Variants in ANKRD17 observed in about 807,000 individuals in gnomAD.
ANKRD17 encodes ankyrin repeat domain 17.
In ANKRD17, 19 loss-of-function variants were observed where a neutral mutation model predicts 229.7. That is an observed-to-expected ratio of 0.08 (90% CI 0.06 to 0.12). The LOEUF (loss-of-function observed/expected upper bound fraction) is 0.12. Among genes scored for constraint, ANKRD17 ranks in the 10% least tolerant of loss-of-function variants. ANKRD17 has a pLI of 1.00. For missense variants in ANKRD17, 2,176 were observed against 3,176.8 expected (o/e 0.68, Z 7.57); for synonymous variants, 1,112 against 1,146.1 (o/e 0.97, Z 0.60).
chr4:73,090,674 A>G lies in ANKRD17; in HGVS notation c.6954T>C (p.Ser2318=), dbSNP rs1319948914. ...FRPPLQRPAP[S]PSGIVNMDSP... is the part of the protein sequence containing the mutation. ...CAGAAAATATAAACTCACCTGAGGG[A>G]CTTGGAGCAGGTCTCTGTAATGGTG... The change falls in exon 29 of 34, where the codon AGT becomes AGC. Residue 2318 remains serine (S), a synonymous_variant. Coordinates refer to ENST00000358602, the MANE Select transcript of ANKRD17 (RefSeq NM_032217.5). 6.2e-7 allele frequency: 1 copy of G among 1,614,228 alleles called. No individual in the cohort carries two copies. The highest frequency in any genetic ancestry group is 8.5e-7 in the Non-Finnish European group (1 of 1,180,038).
intron 1 of ANKRD17, among the ~76,000 whole-genome samples, chr4:73,178,482 T>A (rs1215449884): frequency 6.6e-6 from 1 of 152,088 alleles, no homozygotes; most frequent in Non-Finnish European, 1.5e-5. Context: ...GCATTTAATT[T>A]TTTTTTTTTA....
At position 73,091,764 on chromosome 4, in the gene ANKRD17, C is replaced by A. The variant is rs774376886; in HGVS notation, c.5864G>T (p.Ser1955Ile). Residue 1955 changes from serine (S) to isoleucine (I), a missense_variant, in exon 29 of 34, where the codon AGT becomes ATT. Ser to Ile is a moderately radical substitution (Grantham distance 142). This residue lies in a region of ANKRD17 where 424 missense variants were observed against 454.0 expected (regional missense o/e 0.93). Transcript: ENST00000358602. ...MVPRHSNQNS[S>I]GSQVNSAGSL... Reference sequence around the variant, plus strand: ...ACCTGCTGAATTCACCTGAGAACCACTGCTATTCTGATTGCTATGGCGAGG... The same window carrying A: ...ACCTGCTGAATTCACCTGAGAACCAATGCTATTCTGATTGCTATGGCGAGG... 1 of 1,614,174 alleles carries A rather than the reference C, an allele frequency of 6.2e-7. No individual in the cohort carries two copies. The highest frequency in any genetic ancestry group is 1.7e-5 in the Admixed American group (1 of 60,018).
chr4:73,174,356 G>GA (rs1734453235), intron 2 of ANKRD17, among the ~76,000 whole-genome samples: 2 of 152,128 alleles, frequency 1.3e-5, no homozygotes, highest in Non-Finnish European at 2.9e-5. Flanking sequence ...CAATGATGCA[G>GA]AAAAAACATT....
chr4:73,136,902 T>C (rs1168688595), intron 15 of ANKRD17, among the ~76,000 whole-genome samples: 2 of 151,964 alleles, frequency 1.3e-5, no homozygotes. Context: ...AAATCTAAGT[T>C]TTATTGTTAA....
At position 73,121,031 on chromosome 4, in the gene ANKRD17, A is replaced by T. The variant is rs77762664; in HGVS notation, c.3699T>A (p.Ala1233=). 21 of 1,613,858 alleles carry T rather than the reference A, an allele frequency of 1.3e-5. No individual in the cohort carries two copies. The highest frequency in any genetic ancestry group is 1.7e-5 in the Non-Finnish European group (20 of 1,179,918). The change falls in exon 20 of 34, where the codon GCT becomes GCA. Residue 1233 remains alanine (A), a synonymous_variant. Transcript: ENST00000358602. ...MLAAMNGHTA[A]VKLLLDMGSD... ...AGCCCATGTCTAACAGGAGCTTAAC[A>T]GCAGCTGTATGCCCATTCATAGCTG... is the stretch of plus-strand genomic sequence containing the variant.
chr4:73,161,274 C>T lies in ANKRD17; in HGVS notation c.622G>A (p.Val208Ile), dbSNP rs759781857. The T allele has an allele frequency of 1.2e-6, 2 of 1,614,108 alleles. No individual in the cohort carries two copies. The highest frequency in any genetic ancestry group is 1.7e-6 in the Non-Finnish European group (2 of 1,180,050). Reference sequence around the variant, plus strand: ...GCAGCTTCATCCAACGCACAACTAACAGACGATGTCAACCTCCGAAGTACT... The same window carrying T: ...GCAGCTTCATCCAACGCACAACTAATAGACGATGTCAACCTCCGAAGTACT... ...PEVLRRLTSS[V>I]SCALDEAAAA... The change falls in exon 3 of 34, where the codon GTT becomes ATT. Residue 208 changes from valine to isoleucine, a missense_variant. Transcript: ENST00000358602.
chr4:73,105,866 G>A (rs539791935), intron 24 of ANKRD17, among the ~76,000 whole-genome samples: 2 of 152,282 alleles, frequency 1.3e-5, no homozygotes, highest in African/African-American at 4.8e-5. Flanking sequence ...TAGTGGGTAG[G>A]AGTTAGTAAA....
chr4:73,227,075 A>G (rs916895961), intron 1 of ANKRD17, among the ~76,000 whole-genome samples: 1 of 152,174 alleles, frequency 6.6e-6, no homozygotes, highest in Non-Finnish European at 1.5e-5. Flanking sequence ...GCAGGATACC[A>G]TGGGCAAAAG....
At chr4:73,184,751 T>A (rs2149033675) in intron 1 of ANKRD17, among the ~76,000 whole-genome samples, 1 of 152,128 alleles carries the variant, frequency 6.6e-6, no homozygotes, top group East Asian at 1.9e-4. Flanking sequence ...CAAATAACTA[T>A]CAAACAAGTT....
chr4:73,160,411 G>A (rs1732371832), intron 3 of ANKRD17, among the ~76,000 whole-genome samples: 1 of 151,950 alleles, frequency 6.6e-6, no homozygotes, highest in East Asian at 1.9e-4. Context: ...TAGAGACAGG[G>A]TTTCTCCATG....
intron 1 of ANKRD17, among the ~76,000 whole-genome samples, chr4:73,239,781 T>C (rs1010606622): frequency 2.6e-5 from 4 of 152,044 alleles, no homozygotes; most frequent in African/African-American, 9.7e-5. Flanking sequence ...TATAAAAAAA[T>C]CAAATGGATA....
rs1247259124 is a variant in ANKRD17 at position 73,098,376 on chromosome 4, T to C, written c.4718A>G (p.Lys1573Arg). The C allele has an allele frequency of 8.7e-6, 14 of 1,614,104 alleles. No homozygotes were observed. The highest frequency in any genetic ancestry group is 1.2e-5 in the Non-Finnish European group (14 of 1,180,050). ...AACGTTTTCTGGAGTAATTTTATTT[T>C]TCCTGTTTTTCCTCTTTGAACTGGT... ...TTTSSKRKNR[K>R]NKITPENVQI... The change falls in exon 26 of 34, where the codon AAA becomes AGA. Residue 1573 changes from lysine (K) to arginine (R), a missense_variant. Physicochemically the swap from Lys to Arg is conservative, Grantham distance 26 (BLOSUM62 2). Transcript: ENST00000358602.
intron 29 of ANKRD17, among the ~76,000 whole-genome samples, chr4:73,086,897 CAAAAAAAAAA>C (rs1176077387): frequency 9.8e-5 from 1 of 10,210 alleles, no homozygotes; most frequent in South Asian, 0.011. Context: ...GACTCCATCT[CAAAAAAAAAA>C]AAAAAAAAAA....
At chr4:73,157,427 CTG>C (rs971660663) in intron 3 of ANKRD17, among the ~76,000 whole-genome samples, 6 of 152,090 alleles carry the variant, frequency 3.9e-5, no homozygotes, top group Non-Finnish European at 8.8e-5. Context: ...AAAAATTAAA[CTG>C]AGAGAAAAGT....
chr4:73,106,985 T>C (rs368656776), intron 24 of ANKRD17, among the ~76,000 whole-genome samples: 1 of 150,334 alleles, frequency 6.7e-6, no homozygotes, highest in East Asian at 2.0e-4. Context: ...TGTATACAGG[T>C]AGACTTTTAA....
chr4:73,191,823 GATA>G (rs1252314608), intron 1 of ANKRD17, among the ~76,000 whole-genome samples: 1 of 151,770 alleles, frequency 6.6e-6, no homozygotes, highest in Non-Finnish European at 1.5e-5. Context: ...TGTTTTCAAG[GATA>G]ATTTTTCAGA....
chr4:73,163,747 G>T (rs1732847474), intron 2 of ANKRD17, among the ~76,000 whole-genome samples: 1 of 152,096 alleles, frequency 6.6e-6, no homozygotes, highest in Non-Finnish European at 1.5e-5. Context: ...GCAACAATTA[G>T]GTTTCATACA....
intron 28 of ANKRD17, 66 bp from the exon 29 acceptor site, chr4:73,092,366 A>G: frequency 7.7e-7 from 1 of 1,292,436 alleles, no homozygotes; most frequent in Non-Finnish European, 1.1e-6. Context: ...AGTGTTTTTA[A>G]TATGTATTTA....
chr4:73,106,307 T>C (rs1483349778), intron 24 of ANKRD17, among the ~76,000 whole-genome samples: 1 of 152,162 alleles, frequency 6.6e-6, no homozygotes, highest in African/African-American at 2.4e-5. Flanking sequence ...ACCCAACTGA[T>C]GATTTCTAAT....
Sources: gnomAD v4.1 joint callset for allele counts (sites outside exome capture counted in the v4.1 genomes callset) on GRCh38, gnomAD v4.1.1 for gene constraint, gnomAD v4.1.1 regional missense constraint, MANE v1.5 for transcripts, NCBI Gene and HGNC (gene_info 2026-07-23, HGNC 2026-07-21) for gene names.